The following NTM variants were observed in gnomAD, a reference collection of about 807,000 sequenced individuals.
The protein encoded by NTM is neurotrimin.
In NTM, 13 loss-of-function variants were observed where a neutral mutation model predicts 42.1. The ratio of observed to expected loss-of-function variants is 0.31; its 90% CI spans 0.20 to 0.49. The LOEUF (loss-of-function observed/expected upper bound fraction) is 0.49, where lower values mean the gene tolerates loss of function less well. Ranked by LOEUF, NTM falls within the 20% of genes least tolerant of loss-of-function variation. The pLI is 0.99. For missense variants in NTM, 373 were observed against 452.8 expected (o/e 0.82, Z 1.60); for synonymous variants, 187 against 179.2 (o/e 1.04, Z -0.35).
At chr11:132,315,540 A>T (rs2095406422) in intron 7 of NTM, among the ~76,000 whole-genome samples, 1 of 152,130 alleles carries the variant, frequency 6.6e-6, no homozygotes, top group South Asian at 2.1e-4. Flanking sequence ...CTGTCTCCCC[A>T]ATCCCTCATG....
chr11:131,679,165 C>T (rs1183309923), intron 1 of NTM, among the ~76,000 whole-genome samples: 1 of 152,170 alleles, frequency 6.6e-6, no homozygotes, highest in East Asian at 1.9e-4. Context: ...GTCAGCCCCC[C>T]TGACATTTGG....
At chr11:131,511,137 G>A (rs2048180461) in intron 1 of NTM, among the ~76,000 whole-genome samples, 1 of 152,206 alleles carries the variant, frequency 6.6e-6, no homozygotes, top group South Asian at 2.1e-4. Context: ...GCCACGTGAT[G>A]AGTGGTGCTT....
intron 1 of NTM, among the ~76,000 whole-genome samples, chr11:131,835,702 T>C (rs1230369122): frequency 6.6e-6 from 1 of 152,144 alleles, no homozygotes; most frequent in Non-Finnish European, 1.5e-5. Context: ...GAATCTCTCA[T>C]TGTTCCTCTC....
At chr11:131,914,409 G>A (rs1362686918) in intron 2 of NTM, among the ~76,000 whole-genome samples, 2 of 152,094 alleles carry the variant, frequency 1.3e-5, no homozygotes, top group South Asian at 2.1e-4. Context: ...CTGGAGGGCC[G>A]CCATATCCAT....
rs146875165 is a variant in NTM at position 131,706,020 on chromosome 11, C to T, written c.83-205544C>T. Reference sequence around the variant, plus strand: ...TTTAAATGTAAATGGATTAAAATCTCGAATCAAAAGCCATATAATGACTGA... The same window carrying T: ...TTTAAATGTAAATGGATTAAAATCTTGAATCAAAAGCCATATAATGACTGA... On this transcript the variant is annotated intron_variant, in intron 1 of 8. Coordinates refer to ENST00000683400, the MANE Select transcript of NTM (RefSeq NM_001352005.2). 5.3e-5 allele frequency among the ~76,000 whole-genome samples: 8 copies of T among 152,002 alleles called. No homozygotes were observed. In the East Asian group the frequency reaches 1.3e-3, roughly 26 times the overall value.
intron 4 of NTM, among the ~76,000 whole-genome samples, chr11:132,296,895 C>A (rs1019314298): frequency 6.6e-6 from 1 of 152,180 alleles, no homozygotes; most frequent in Admixed American, 6.5e-5. Flanking sequence ...GATGATTTGG[C>A]CTACCTGCTG....
intron 2 of NTM, among the ~76,000 whole-genome samples, chr11:132,051,585 C>T (rs2078859227): frequency 2.0e-5 from 3 of 152,292 alleles, no homozygotes; most frequent in East Asian, 1.9e-4. Context: ...CCCCCAGGCT[C>T]CGACTGCCTG....
intron 2 of NTM, among the ~76,000 whole-genome samples, chr11:131,935,065 C>T (rs1207490068): frequency 6.6e-6 from 1 of 152,114 alleles, no homozygotes; most frequent in Non-Finnish European, 1.5e-5. Flanking sequence ...ATGATGGAGG[C>T]AGTAACAATT....
At chr11:131,943,689 T>G (rs903090804) in intron 2 of NTM, among the ~76,000 whole-genome samples, 1 of 152,230 alleles carries the variant, frequency 6.6e-6, no homozygotes, top group Non-Finnish European at 1.5e-5. Context: ...GGATAAAGAA[T>G]TTTAGAAATG....
rs534722424 is a variant in NTM at position 131,500,531 on chromosome 11, T to C, written c.82+129643T>C. On this transcript the variant is annotated intron_variant, in intron 1 of 8. Transcript: ENST00000683400. ...GTGAAGTCATTTGCTTCAGACCCTATAGTTATTTATTATATATATATATAT... is the reference window on the plus strand; with the variant it reads ...GTGAAGTCATTTGCTTCAGACCCTACAGTTATTTATTATATATATATATAT... Among the ~76,000 whole-genome samples, 381 of 143,954 alleles carry C rather than the reference T, an allele frequency of 2.6e-3. 1 individual carries two copies. Among genetic ancestry groups the C allele is most frequent in the Non-Finnish European group, 4.7e-3 (309 of 66,242 alleles). The allele number at this position is 143,954 out of a possible 152,430, so 94.4% of individuals were successfully genotyped here.
At chr11:131,497,100 A>G (rs550059762) in intron 1 of NTM, among the ~76,000 whole-genome samples, 5 of 152,324 alleles carry the variant, frequency 3.3e-5, no homozygotes, top group South Asian at 2.1e-4. Context: ...CTGTCCACAG[A>G]GGAAACCCCT....
At chr11:131,914,782 T>C (rs187055668) in intron 2 of NTM, among the ~76,000 whole-genome samples, 66 of 152,354 alleles carry the variant, frequency 4.3e-4, no homozygotes, top group Non-Finnish European at 7.6e-4. Context: ...AAACAGAATC[T>C]GCATTAATAA....
rs973836381 is a variant in NTM, at chr11:131,866,534, A to C, written c.83-45030A>C. On this transcript the variant is annotated intron_variant, in intron 1 of 8. Transcript: ENST00000683400. ...AAAGGAATGAGTATGCAAAACTAAG[A>C]CCCACCTCACATTAATTTAGTGGGT... is the stretch of plus-strand genomic sequence containing the variant. Among the ~76,000 whole-genome samples the C allele has an allele frequency of 2.6e-5, 4 of 152,332 alleles. No homozygotes were observed. In the East Asian group the frequency reaches 7.7e-4, roughly 29 times the overall value.
chr11:132,215,980 C>T (rs949119172), intron 4 of NTM, among the ~76,000 whole-genome samples: 1 of 152,168 alleles, frequency 6.6e-6, no homozygotes, highest in African/African-American at 2.4e-5. Context: ...TTGGTGGAAC[C>T]CTAACCTTCT....
intron 1 of NTM, among the ~76,000 whole-genome samples, chr11:131,402,800 G>A (rs568943371): frequency 1.9e-4 from 29 of 152,286 alleles, no homozygotes; most frequent in East Asian, 1.5e-3. Context: ...ATTTTACAGC[G>A]TCTGCTGTAG....
chr11:131,772,711 A>T (rs774803310), intron 1 of NTM, among the ~76,000 whole-genome samples: 34 of 152,124 alleles, frequency 2.2e-4, no homozygotes, highest in African/African-American at 7.5e-4. Flanking sequence ...GAACATAAGG[A>T]CTCCTAATCC....
At chr11:132,241,478 C>T (rs56145207) in intron 4 of NTM, among the ~76,000 whole-genome samples, 92 of 152,194 alleles carry the variant, frequency 6.0e-4, no homozygotes, top group African/African-American at 2.0e-3. Context: ...AATTCAGTGA[C>T]GTCTAGTTAC....
chr11:132,171,502 C>G (rs7934595), intron 3 of NTM, among the ~76,000 whole-genome samples: 88,863 of 151,878 alleles, frequency 0.59, 26,428 homozygotes, highest in Middle Eastern at 0.63. Context: ...TTTTTTATAA[C>G]GACACTAATC....
intron 1 of NTM, among the ~76,000 whole-genome samples, chr11:131,781,569 A>C (rs2088140535): frequency 6.6e-6 from 1 of 152,210 alleles, no homozygotes. Context: ...TGTTGAATTA[A>C]TTAATGGAAT....
Sources: gnomAD v4.1 joint callset for allele counts (sites outside exome capture counted in the v4.1 genomes callset) on GRCh38, gnomAD v4.1.1 for gene constraint, MANE v1.5 for transcripts, NCBI Gene and HGNC (gene_info 2026-07-23, HGNC 2026-07-21) for gene names.